ANKRD12: variants seen among roughly 807,000 people sequenced by gnomAD.
ANKRD12 encodes the protein ankyrin repeat domain 12.
Under a neutral mutation model 183.4 loss-of-function variants are expected in ANKRD12, and 85 were observed. The ratio of observed to expected loss-of-function variants is 0.46; its 90% confidence interval spans 0.39 to 0.56. The LOEUF is 0.56. Ranked by LOEUF, ANKRD12 falls within the 20% of genes least tolerant of loss-of-function variation. The pLI, the probability that ANKRD12 is intolerant of heterozygous loss-of-function variation, is 0.00. For missense variants in ANKRD12, 2,405 were observed against 2,357.1 expected (o/e 1.02, Z -0.42); for synonymous variants, 914 against 800.2 (o/e 1.14, Z -2.40).
At chr18:9,184,738 C>T (rs2033933298) in intron 2 of ANKRD12, among the ~76,000 whole-genome samples, 1 of 152,162 alleles carries the variant, frequency 6.6e-6, no homozygotes. Context: ...TTAAAGTATA[C>T]AATTCAGTTG....
intron 2 of ANKRD12, among the ~76,000 whole-genome samples, chr18:9,184,484 C>T (rs936979613): frequency 6.6e-6 from 1 of 151,958 alleles, no homozygotes; most frequent in Admixed American, 6.6e-5. Flanking sequence ...CCTTGACCTC[C>T]CAGGCTCAAG....
Position 9,284,690 on chromosome 18 carries a change from A to G in ANKRD12, c.*3564A>G, listed in dbSNP as rs1180996528. 3 of 152,144 alleles carry G rather than the reference A, an allele frequency of 2.0e-5. No individual in the cohort carries two copies. Among genetic ancestry groups the G allele is most frequent in the African/African-American group, 7.2e-5 (3 of 41,442 alleles). 9.4% of individuals were successfully genotyped at this position (152,144 alleles called of 1,614,324 possible). On this transcript the variant is annotated 3_prime_UTR_variant, in exon 13 of 13. Transcript: ENST00000262126. ...TTTTTTTTTAAGCCTCCACAGAGAT[A>G]GTCACCCAAAGTATTTCCAGTCAGT...
chr18:9,246,776 A>T (rs2037988164), intron 8 of ANKRD12, among the ~76,000 whole-genome samples: 1 of 152,210 alleles, frequency 6.6e-6, no homozygotes, highest in Non-Finnish European at 1.5e-5. Context: ...ACTATTTATC[A>T]CATGCATGGT....
rs1342450700 is a variant in ANKRD12, at chr18:9,208,696, C to G, written c.344C>G (p.Ala115Gly). 5 of 1,610,064 alleles carry G rather than the reference C, an allele frequency of 3.1e-6. No individual in the cohort carries two copies. Among genetic ancestry groups the G allele is most frequent in the Non-Finnish European group, 4.2e-6 (5 of 1,178,352 alleles). Reference sequence around the variant, plus strand: ...GAAAAGAAGAAGACAAAAAAGGAAGCTGGAAATAAGAAATCCACACCAGTT... The same window carrying G: ...GAAAAGAAGAAGACAAAAAAGGAAGGTGGAAATAAGAAATCCACACCAGTT... ...GPEKKKTKKEAGNKKSTPVSI... is the reference protein window; with the variant it reads ...GPEKKKTKKEGGNKKSTPVSI... The change falls in exon 5 of 13, where the codon GCT becomes GGT. Residue 115 changes from alanine (A) to glycine (G), a missense_variant. Physicochemically the swap from Ala to Gly is moderately conservative, Grantham distance 60. This residue lies in a region of ANKRD12 where 145 missense variants were observed against 145.6 expected (regional missense o/e 1.00). Transcript: ENST00000262126.
intron 2 of ANKRD12, among the ~76,000 whole-genome samples, chr18:9,186,450 T>A (rs565121555): frequency 6.6e-6 from 1 of 152,286 alleles, no homozygotes; most frequent in South Asian, 2.1e-4. Context: ...ATCAGTAGTT[T>A]GGGTAAGGAT....
chr18:9,189,106 G>A (rs2034292664), intron 2 of ANKRD12, among the ~76,000 whole-genome samples: 1 of 152,180 alleles, frequency 6.6e-6, no homozygotes, highest in Non-Finnish European at 1.5e-5. Context: ...AACACTAAAA[G>A]TGCTGTTAAA....
chr18:9,172,551 T>G (rs2032844194), intron 1 of ANKRD12, among the ~76,000 whole-genome samples: 1 of 152,224 alleles, frequency 6.6e-6, no homozygotes, highest in African/African-American at 2.4e-5. Flanking sequence ...ATTTCTCATC[T>G]TGTGTTTCTC....
intron 4 of ANKRD12, 82 bp downstream of exon 4, chr18:9,204,626 C>T (rs1304382091): frequency 1.4e-5 from 15 of 1,056,346 alleles, no homozygotes. Context: ...AAGTAACTTA[C>T]TTTCAAACCA....
Position 9,173,605 on chromosome 18 carries a change from C to T in ANKRD12, c.-51-8777C>T, listed in dbSNP as rs911968030. Among the ~76,000 whole-genome samples, 37 of 7,790 alleles carry T rather than the reference C, an allele frequency of 4.7e-3. 1 individual carries two copies. The highest frequency in any genetic ancestry group is 8.5e-3 in the Non-Finnish European group (33 of 3,860). The allele number at this position is 7,790 out of a possible 152,430, so 5.1% of individuals were successfully genotyped here. On this transcript the variant is annotated intron_variant, in intron 1 of 12. Transcript: ENST00000262126. ...GCTCCTTCCCTTGGGAGCTCCATCC[C>T]GGTGGGGTGGTGGGGGGGGGGTAGG...
At chr18:9,140,064 T>C (rs934960956) in intron 1 of ANKRD12, among the ~76,000 whole-genome samples, 4 of 152,218 alleles carry the variant, frequency 2.6e-5, no homozygotes, top group African/African-American at 4.8e-5. Context: ...TTTTGACATA[T>C]CGCATTAACT....
At chr18:9,251,204 T>C (rs1438322372) in intron 8 of ANKRD12, among the ~76,000 whole-genome samples, 2 of 152,174 alleles carry the variant, frequency 1.3e-5, no homozygotes, top group African/African-American at 2.4e-5. Context: ...TATTATTTTT[T>C]AAGAGATTTT....
intron 6 of ANKRD12, among the ~76,000 whole-genome samples, chr18:9,213,543 A>G (rs2035923704): frequency 6.6e-6 from 1 of 151,924 alleles, no homozygotes; most frequent in Non-Finnish European, 1.5e-5. Flanking sequence ...GATTAGTACA[A>G]TACTATGTTG....
At chr18:9,250,752 GAATGGCTGA>G (rs1307351325) in intron 8 of ANKRD12, among the ~76,000 whole-genome samples, 1 of 152,128 alleles carries the variant, frequency 6.6e-6, no homozygotes, top group Non-Finnish European at 1.5e-5. Context: ...TCAAAACTCT[GAATGGCTGA>G]ATTTCGAAGT....
chr18:9,203,128 T>G (rs2035272068), intron 3 of ANKRD12, among the ~76,000 whole-genome samples: 1 of 152,248 alleles, frequency 6.6e-6, no homozygotes, highest in Non-Finnish European at 1.5e-5. Context: ...ATGAAATTTT[T>G]GTGGTTGCTA....
Position 9,256,001 on chromosome 18 carries a change from G to A in ANKRD12, c.2734G>A (p.Asp912Asn). 1.3e-6 allele frequency: 2 copies of A among 1,560,004 alleles called. No individual in the cohort carries two copies. The highest frequency in any genetic ancestry group is 1.7e-6 in the Non-Finnish European group (2 of 1,162,286). Reference sequence around the variant, plus strand: ...TAGAGAAAAGATGGATAGGAAACATGACAAAGAAAAGCCTGAAAAAGAGAG... The same window carrying A: ...TAGAGAAAAGATGGATAGGAAACATAACAAAGAAAAGCCTGAAAAAGAGAG... ...KSREKMDRKH[D>N]KEKPEKERHL... The change falls in exon 9 of 13, where the codon GAC (aspartate) becomes AAC (asparagine). Residue 912 changes from aspartate to asparagine, a missense_variant. Transcript: ENST00000262126.
chr18:9,222,107 C>G, intron 8 of ANKRD12, 108 bp downstream of exon 8: 2 of 1,341,920 alleles, frequency 1.5e-6, no homozygotes, highest in Admixed American at 4.2e-5. Context: ...TAGAATAATG[C>G]TGGCTAGCTA....
chr18:9,210,880 A>G (rs1357829775), intron 5 of ANKRD12, among the ~76,000 whole-genome samples: 1 of 151,856 alleles, frequency 6.6e-6, no homozygotes, highest in East Asian at 1.9e-4. Context: ...CCTTTTATAT[A>G]GTTGTAAATT....
At chr18:9,180,994 T>C (rs1194139298) in intron 1 of ANKRD12, among the ~76,000 whole-genome samples, 1 of 152,336 alleles carries the variant, frequency 6.6e-6, no homozygotes, top group East Asian at 1.9e-4. Context: ...CTCATAACTT[T>C]AACTCCATAA....
intron 4 of ANKRD12, 105 bp from the exon 5 acceptor site, chr18:9,208,552 C>T: frequency 1.1e-6 from 1 of 914,778 alleles, no homozygotes; most frequent in Non-Finnish European, 1.6e-6. Context: ...ATATTGTACA[C>T]ATTTCTCATA....
Sources: allele counts gnomAD v4.1 joint callset (sites outside exome capture counted in the v4.1 genomes callset), GRCh38; gene constraint gnomAD v4.1.1; regional missense constraint gnomAD v4.1.1; transcripts MANE v1.5; gene names NCBI Gene and HGNC (gene_info 2026-07-23, HGNC 2026-07-21).